Variants in TMLHE observed in about 807,000 individuals in gnomAD.
The protein encoded by TMLHE is trimethyllysine hydroxylase, epsilon.
In TMLHE, 18 loss-of-function variants were observed where a neutral mutation model predicts 25.7. The ratio of observed to expected loss-of-function variants is 0.70; its 90% confidence interval spans 0.48 to 1.04. The LOEUF is 1.04. Among genes scored for constraint, TMLHE ranks in the 50% least tolerant of loss-of-function variants. The probability of loss-of-function intolerance (pLI) is 0.00; values close to 1 mark genes in which losing one functional copy is unlikely to be tolerated. For missense variants in TMLHE, 236 were observed against 259.0 expected (o/e 0.91, Z 0.61); for synonymous variants, 105 against 97.0 (o/e 1.08, Z -0.49).
At chrX:155,546,970 GAAGTCTACAATAT>G (rs2067349219) in intron 1 of TMLHE, among the ~76,000 whole-genome samples, 1 of 110,519 alleles carries the variant, frequency 9.0e-6, no homozygotes, top group South Asian at 3.9e-4. Flanking sequence ...TGTAGTCTAT[GAAGTCTACAATAT>G]GTGCTATCTG....
chrX:155,569,742 A>G (rs1426695189), intron 1 of TMLHE, among the ~76,000 whole-genome samples: 2 of 53,408 alleles, frequency 3.7e-5, no homozygotes, highest in African/African-American at 9.0e-5. Flanking sequence ...ACTAAGCTTC[A>G]TAAGTGAAGG....
chrX:155,548,382 C>T (rs1248043250), intron 1 of TMLHE, among the ~76,000 whole-genome samples: 1 of 112,141 alleles, frequency 8.9e-6, no homozygotes, highest in Admixed American at 9.4e-5. Flanking sequence ...AATTTGCAAA[C>T]TGGCAGCAGG....
At chrX:155,539,053 C>T (rs1454220509) in intron 2 of TMLHE, among the ~76,000 whole-genome samples, 1 of 111,580 alleles carries the variant, frequency 9.0e-6, no homozygotes, top group Non-Finnish European at 1.9e-5. Flanking sequence ...GCAAAGCCAA[C>T]CTCACCAAAA....
chrX:155,521,892 C>T (rs2067189088), intron 3 of TMLHE, among the ~76,000 whole-genome samples: 1 of 89,434 alleles, frequency 1.1e-5, no homozygotes. Context: ...GCGCACGGTG[C>T]GCACACACAC....
intron 2 of TMLHE, among the ~76,000 whole-genome samples, chrX:155,539,725 A>G (rs2067299820): frequency 8.9e-6 from 1 of 111,760 alleles, no homozygotes; most frequent in African/African-American, 3.3e-5. Flanking sequence ...TAAATTACCA[A>G]AAACTCAAAA....
chrX:155,545,303 A>G, intron 1 of TMLHE, 26 bp from the exon 2 acceptor site: 1 of 1,134,897 alleles, frequency 8.8e-7, no homozygotes, highest in Non-Finnish European at 1.2e-6. Context: ...ATAACAAGTT[A>G]GTAGTAATAT....
intron 1 of TMLHE, among the ~76,000 whole-genome samples, chrX:155,551,009 TG>T (rs112261922): frequency 0.018 from 2,010 of 110,585 alleles, 115 homozygotes; most frequent in African/African-American, 0.064. Context: ...AAAAGGTGCT[TG>T]GCCCTTTAAA....
intron 2 of TMLHE, among the ~76,000 whole-genome samples, chrX:155,529,427 G>A (rs1018624916): frequency 8.9e-6 from 1 of 112,040 alleles, no homozygotes; most frequent in Admixed American, 9.4e-5. Flanking sequence ...CCTTCATACT[G>A]TTTTCCATAA....
intron 1 of TMLHE, among the ~76,000 whole-genome samples, chrX:155,547,743 G>A (rs2067361931): frequency 9.1e-6 from 1 of 109,536 alleles, no homozygotes; most frequent in African/African-American, 3.3e-5. Flanking sequence ...GGGATTGTTG[G>A]AGGTGTTGGA....
At chrX:155,583,170 C>T (rs2067642013) in intron 1 of TMLHE, among the ~76,000 whole-genome samples, 1 of 109,949 alleles carries the variant, frequency 9.1e-6, no homozygotes, top group South Asian at 3.9e-4. Context: ...TGGGGCCTGT[C>T]GTGGGGTTGG....
chrX:155,574,498 C>G (rs1460007913), intron 1 of TMLHE, among the ~76,000 whole-genome samples: 2 of 111,962 alleles, frequency 1.8e-5, no homozygotes, highest in African/African-American at 6.5e-5. Flanking sequence ...ATTAACTGAC[C>G]ACTAAGCTAT....
chrX:155,553,964 CAT>C (rs1425524841), intron 1 of TMLHE, among the ~76,000 whole-genome samples: 26 of 102,129 alleles, frequency 2.5e-4, no homozygotes, highest in African/African-American at 1.0e-4. Context: ...ATGCACGCCA[CAT>C]GACATTACTA....
chrX:155,579,088 GT>G (rs1436808383), intron 1 of TMLHE, among the ~76,000 whole-genome samples: 1 of 80,629 alleles, frequency 1.2e-5, no homozygotes. Context: ...CAAAACACTG[GT>G]GAAAGAAATT....
chrX:155,536,225 C>T (rs1288916680), intron 2 of TMLHE, among the ~76,000 whole-genome samples: 2 of 111,327 alleles, frequency 1.8e-5, no homozygotes, highest in African/African-American at 6.5e-5. Context: ...TCTTCTTCCT[C>T]TCTGCATGCT....
intron 1 of TMLHE, among the ~76,000 whole-genome samples, chrX:155,585,113 C>T (rs965093327): frequency 9.0e-6 from 1 of 111,560 alleles, no homozygotes; most frequent in African/African-American, 3.3e-5. Context: ...CAAAACCTCA[C>T]ATAGCAGTGA....
At chrX:155,537,346 A>G (rs2067284989) in intron 2 of TMLHE, among the ~76,000 whole-genome samples, 1 of 111,239 alleles carries the variant, frequency 9.0e-6, no homozygotes, top group African/African-American at 3.3e-5. Context: ...TAATTATTCT[A>G]ATCAAGTACC....
At chrX:155,550,692 T>A (rs1203307062) in intron 1 of TMLHE, among the ~76,000 whole-genome samples, 4 of 110,961 alleles carry the variant, frequency 3.6e-5, no homozygotes, top group African/African-American at 1.3e-4. Flanking sequence ...CAGTTCAAAC[T>A]GGTGAGACTT....
intron 2 of TMLHE, among the ~76,000 whole-genome samples, chrX:155,537,081 C>T (rs1296371091): frequency 2.7e-5 from 3 of 111,936 alleles, no homozygotes; most frequent in African/African-American, 9.8e-5. Flanking sequence ...CTTTCTCCTG[C>T]CACATTCAGG....
chrX:155,505,136 A>C (rs782673746), intron 6 of TMLHE, among the ~76,000 whole-genome samples: 41 of 111,884 alleles, frequency 3.7e-4, no homozygotes, highest in African/African-American at 5.5e-4. Flanking sequence ...AATTCACTGA[A>C]AATAAGATTA....
Sources: allele counts gnomAD v4.1 joint callset (sites outside exome capture counted in the v4.1 genomes callset), GRCh38; gene constraint gnomAD v4.1.1; transcripts MANE v1.5; gene names NCBI Gene and HGNC (gene_info 2026-07-23, HGNC 2026-07-21).